The following HDAC4 variants were observed in gnomAD, a reference collection of about 807,000 sequenced individuals.
The protein encoded by HDAC4 is histone deacetylase 4.
Under a neutral mutation model 135.1 loss-of-function variants are expected in HDAC4, and 16 were observed. The ratio of observed to expected loss-of-function variants is 0.12; its 90% CI spans 0.08 to 0.18. The LOEUF is 0.18. Ranked by LOEUF, HDAC4 falls within the 10% of genes least tolerant of loss-of-function variation. HDAC4 has a pLI of 1.00. For synonymous variants in HDAC4, 685 were observed against 653.4 expected, an observed-to-expected ratio of 1.05 and a Z score of -0.74; for missense variants, 1,143 against 1,511.8, an observed-to-expected ratio of 0.76 and a Z score of 4.05.
chr2:239,353,218 T>G (rs1277442690), intron 1 of HDAC4, among the ~76,000 whole-genome samples: 1 of 152,194 alleles, frequency 6.6e-6, no homozygotes, highest in Non-Finnish European at 1.5e-5. Context: ...TTTGCCATGT[T>G]GGCCCAGGCT....
intron 8 of HDAC4, chr2:239,140,846 G>C (rs568786035): frequency 2.5e-6 from 1 of 403,908 alleles, no homozygotes; most frequent in Non-Finnish European, 5.3e-6. Context: ...TGGAGCCCAC[G>C]AGGACGCAGG....
chr2:239,291,041 G>A (rs1020017649), intron 2 of HDAC4, among the ~76,000 whole-genome samples: 5 of 152,256 alleles, frequency 3.3e-5, no homozygotes, highest in Non-Finnish European at 7.3e-5. Context: ...AGAAGGCAGC[G>A]CCTGCCTCCA....
intron 2 of HDAC4, among the ~76,000 whole-genome samples, chr2:239,260,596 A>G (rs1575549575): frequency 6.6e-6 from 1 of 152,244 alleles, no homozygotes; most frequent in African/African-American, 2.4e-5. Context: ...AATGCCTATC[A>G]GGCCACTCAC....
In HDAC4 at chr2:239,308,812, G is replaced by A. The variant is rs1178876183; in HGVS notation, c.22+43866C>T. ...ACCTGTAGCAGGAGGCTCACGTTCC[G>A]AGTCCTCATTGCTCCCAGACCCAAG... On this transcript the variant is annotated intron_variant, in intron 2 of 26. Transcript: ENST00000543185. This position sits in a 1 kb window ranked among gnomAD's most constrained non-coding sequence, Gnocchi z 4.2. Among the ~76,000 whole-genome samples the A allele has an allele frequency of 2.6e-5, 4 of 152,112 alleles. No homozygotes were observed. The highest frequency in any genetic ancestry group is 4.1e-4 in the South Asian group (2 of 4,830).
chr2:239,252,647 C>T (rs2048848002), intron 2 of HDAC4, among the ~76,000 whole-genome samples: 2 of 152,190 alleles, frequency 1.3e-5, no homozygotes, highest in African/African-American at 4.8e-5. Flanking sequence ...GTGCCCGCCA[C>T]CTCCTCCCCT....
At chr2:239,189,767 C>T in intron 4 of HDAC4, 66 bp downstream of exon 4, 1 of 1,494,508 alleles carries the variant, frequency 6.7e-7, no homozygotes, top group Non-Finnish European at 9.1e-7. Flanking sequence ...GGAGGCAGGG[C>T]TGGAGTCACC....
intron 5 of HDAC4, among the ~76,000 whole-genome samples, chr2:239,166,705 C>A (rs1046632063): frequency 6.6e-6 from 1 of 152,078 alleles, no homozygotes; most frequent in African/African-American, 2.4e-5. Flanking sequence ...GAAAAACAGA[C>A]CCAGACATAA....
chr2:239,278,635 G>A (rs2050531088), intron 2 of HDAC4, among the ~76,000 whole-genome samples: 1 of 152,216 alleles, frequency 6.6e-6, no homozygotes, highest in Non-Finnish European at 1.5e-5. Context: ...TCATGCCACT[G>A]TACTCCAGCC....
intron 8 of HDAC4, among the ~76,000 whole-genome samples, chr2:239,143,056 C>T (rs1285071817): frequency 2.0e-5 from 3 of 152,254 alleles, no homozygotes; most frequent in Non-Finnish European, 2.9e-5. Flanking sequence ...CGCATGGCTC[C>T]TGGATGGTCT....
At chr2:239,063,273 T>C (rs1294573749) in intron 24 of HDAC4, among the ~76,000 whole-genome samples, 9 of 151,856 alleles carry the variant, frequency 5.9e-5, no homozygotes, top group Non-Finnish European at 1.0e-4. Flanking sequence ...CGATCTCGGC[T>C]CACTGCAGGC....
intron 2 of HDAC4, among the ~76,000 whole-genome samples, chr2:239,322,785 G>A (rs921050769): frequency 1.3e-5 from 2 of 152,028 alleles, no homozygotes; most frequent in African/African-American, 2.4e-5. Flanking sequence ...TCTGTCACTC[G>A]GCCCCACACC....
rs369244870 is a variant in HDAC4 at position 239,090,047 on chromosome 2, C to T, written c.2350G>A (p.Val784Ile). 2.5e-6 allele frequency: 4 copies of T among 1,613,760 alleles called. No individual in the cohort carries two copies. The African/African-American group carries it at 5.3e-5, about 22-fold the overall frequency. ...GTGGCCACCTTGAAGACCAGCTCTA[C>T]CACGCAGCCCACAGCCAGGCGGGCT... ...GAARLAVGCV[V>I]ELVFKVATGE... Residue 784 changes from valine to isoleucine, a missense_variant, in exon 18 of 27, where the codon GTA becomes ATA. Around this residue, in one of 9 missense-constraint regions of HDAC4, gnomAD observed 189 missense variants for 317.6 expected, o/e 0.60. Coordinates refer to ENST00000543185, the MANE Select transcript of HDAC4 (RefSeq NM_001378414.1).
intron 2 of HDAC4, among the ~76,000 whole-genome samples, chr2:239,252,928 C>A (rs560348876): frequency 1.3e-5 from 2 of 152,354 alleles, no homozygotes; most frequent in Non-Finnish European, 2.9e-5. Context: ...GCACCACCTG[C>A]GCTTCGCCGG....
chr2:239,286,544 GA>G (rs11277127), intron 2 of HDAC4, among the ~76,000 whole-genome samples: 35 of 150,610 alleles, frequency 2.3e-4, no homozygotes, highest in African/African-American at 8.2e-4. Flanking sequence ...GGAAGGGAAG[GA>G]AGGAAGACTA....
intron 26 of HDAC4, 130 bp from the exon 27 acceptor site, chr2:239,053,266 G>A (rs1327393799): frequency 7.3e-7 from 1 of 1,362,574 alleles, no homozygotes; most frequent in Non-Finnish European, 1.0e-6. Context: ...GCAGCCCCGG[G>A]TCCATCTGTT....
At chr2:239,323,704 C>T (rs765821999) in intron 2 of HDAC4, among the ~76,000 whole-genome samples, 10 of 152,148 alleles carry the variant, frequency 6.6e-5, no homozygotes, top group African/African-American at 1.7e-4. Flanking sequence ...TTCATGTCTC[C>T]GCCCAATCTG....
chr2:239,301,427 T>C (rs1385512676), intron 2 of HDAC4, among the ~76,000 whole-genome samples: 1 of 150,986 alleles, frequency 6.6e-6, no homozygotes, highest in Non-Finnish European at 1.5e-5. Flanking sequence ...CAGGCGAGGC[T>C]CCCACACTGG....
intron 5 of HDAC4, among the ~76,000 whole-genome samples, chr2:239,164,694 G>A (rs1433103431): frequency 6.6e-6 from 1 of 152,190 alleles, no homozygotes; most frequent in African/African-American, 2.4e-5. Context: ...TATTCAGATA[G>A]CGTTTGTAAT....
chr2:239,068,342 T>C lies in HDAC4; in HGVS notation c.2869+147A>G. 1.7e-5 allele frequency: 11 copies of C among 647,668 alleles called. No homozygotes were observed. The South Asian group carries it at 2.0e-4, about 12-fold the overall frequency. 40.1% of individuals were successfully genotyped at this position (647,668 alleles called of 1,614,324 possible). ...GCTCTCTGGGGCCTCCCAAATGGAC[T>C]GGTTCCCAGTACGGTCAGAACCTTG... On this transcript the variant is annotated intron_variant, in intron 23 of 26. Coordinates refer to ENST00000543185, the MANE Select transcript of HDAC4 (RefSeq NM_001378414.1). This position sits in a 1 kb window ranked among gnomAD's most constrained non-coding sequence, Gnocchi z 4.4.
Sources: allele counts gnomAD v4.1 joint callset (sites outside exome capture counted in the v4.1 genomes callset), GRCh38; gene constraint gnomAD v4.1.1; regional missense constraint gnomAD v4.1.1; non-coding constraint Gnocchi (gnomAD v3.1); transcripts MANE v1.5; gene names NCBI Gene and HGNC (gene_info 2026-07-23, HGNC 2026-07-21).